Variants in BBS9 observed in about 807,000 individuals in gnomAD.
The protein encoded by BBS9 is Bardet-Biedl syndrome 9.
In BBS9, 89 loss-of-function variants were observed where a neutral mutation model predicts 117.7. The observed-to-expected ratio is 0.76, with a 90% CI of 0.64 to 0.90. BBS9 has a LOEUF of 0.90. Ranked by LOEUF, BBS9 falls within the 40% of genes least tolerant of loss-of-function variation. The pLI is 0.00. For missense variants in BBS9, 982 were observed against 1,042.2 expected (o/e 0.94, Z 0.80); for synonymous variants, 379 against 370.9 (o/e 1.02, Z -0.25).
intron 19 of BBS9, among the ~76,000 whole-genome samples, chr7:33,405,560 C>T (rs371585204): frequency 7.9e-5 from 12 of 152,094 alleles, no homozygotes; most frequent in African/African-American, 2.6e-4. Flanking sequence ...ACTTCTTCCT[C>T]GTTTAGTGTT....
rs1205583813 is a variant in BBS9, at chr7:33,294,342, T to C, written c.1016+20386T>C. On this transcript the variant is annotated intron_variant, in intron 9 of 22. Transcript: ENST00000242067. ...CTATCTATCTATCTATCTATCTATC[T>C]ATCTATCTATCTCTTTGTCCATCCA... Among the ~76,000 whole-genome samples, 229 of 132,242 alleles carry C rather than the reference T, an allele frequency of 1.7e-3. 1 individual carries two copies. The highest frequency in any genetic ancestry group is 6.3e-3 in the African/African-American group (215 of 34,152). The allele number at this position is 132,242 out of a possible 152,430, so 86.8% of individuals were successfully genotyped here.
chr7:33,491,038 A>G (rs990948525), intron 19 of BBS9, among the ~76,000 whole-genome samples: 8 of 152,214 alleles, frequency 5.3e-5, no homozygotes, highest in Middle Eastern at 3.4e-3. Flanking sequence ...TAGAGACCAT[A>G]TGAAGGAACT....
At chr7:33,187,627 G>C (rs1165243323) in intron 5 of BBS9, among the ~76,000 whole-genome samples, 3 of 152,208 alleles carry the variant, frequency 2.0e-5, no homozygotes, top group African/African-American at 7.2e-5. Flanking sequence ...ATAAGGAAAA[G>C]ACAGTTTATG....
chr7:33,366,334 T>C (rs1205642133), intron 16 of BBS9, among the ~76,000 whole-genome samples: 2 of 152,060 alleles, frequency 1.3e-5, no homozygotes, highest in Non-Finnish European at 2.9e-5. Context: ...GGTATGCCGA[T>C]ATAACCAGCC....
chr7:33,542,494 C>T (rs1852489062), intron 21 of BBS9, among the ~76,000 whole-genome samples: 1 of 152,074 alleles, frequency 6.6e-6, no homozygotes, highest in Non-Finnish European at 1.5e-5. Flanking sequence ...CCACTCTTTC[C>T]CTCAAGTCCC....
chr7:33,571,448 GTC>G (rs1857773129), intron 21 of BBS9, among the ~76,000 whole-genome samples: 1 of 152,044 alleles, frequency 6.6e-6, no homozygotes, highest in South Asian at 2.1e-4. Flanking sequence ...ATTAAGGAAA[GTC>G]TCTTTTATTC....
At chr7:33,232,210 T>A (rs1357839095) in intron 5 of BBS9, among the ~76,000 whole-genome samples, 1 of 152,144 alleles carries the variant, frequency 6.6e-6, no homozygotes, top group African/African-American at 2.4e-5. Context: ...GCAATACCAA[T>A]CTTTCTGATT....
At position 33,171,026 on chromosome 7, in the gene BBS9, GC is replaced by G. The variant is rs1328145485; in HGVS notation, c.329-6449del. On this transcript the variant is annotated intron_variant, in intron 4 of 22. Coordinates refer to ENST00000242067, the MANE Select transcript of BBS9 (RefSeq NM_198428.3). ...TCAATATCATGAAAATGGCCATACT[GC>G]CCAAGGTAATTTACAGATTCAATGC... Among the ~76,000 whole-genome samples, 26 of 150,072 alleles carry G rather than the reference GC, an allele frequency of 1.7e-4. No homozygotes were observed. In the East Asian group the frequency reaches 5.1e-3, roughly 29 times the overall value.
chr7:33,176,228 C>G (rs1377664882), intron 4 of BBS9, among the ~76,000 whole-genome samples: 1 of 151,936 alleles, frequency 6.6e-6, no homozygotes, highest in Non-Finnish European at 1.5e-5. Context: ...ATTCTGGTAC[C>G]CTGCAGTGGA....
In BBS9 at chr7:33,593,158, A is replaced by G. The variant is rs116566466; in HGVS notation, c.2522-11707A>G. ...ATCACAAATACCTTCTTTTCAAACTAGAAAACATTGTACTGTATAGTGAAG... is the reference window on the plus strand; with the variant it reads ...ATCACAAATACCTTCTTTTCAAACTGGAAAACATTGTACTGTATAGTGAAG... On this transcript the variant is annotated intron_variant, in intron 21 of 22. Coordinates refer to ENST00000242067, the MANE Select transcript of BBS9 (RefSeq NM_198428.3). 3.7e-3 allele frequency among the ~76,000 whole-genome samples: 557 copies of G among 152,304 alleles called. 1 individual carries two copies. Among genetic ancestry groups the G allele is most frequent in the African/African-American group, 0.013 (530 of 41,588 alleles).
downstream of BBS9, among the ~76,000 whole-genome samples, chr7:33,608,218 C>G (rs759390016): frequency 6.6e-6 from 1 of 152,016 alleles, no homozygotes; most frequent in Non-Finnish European, 1.5e-5. Context: ...CTGAAAAAGA[C>G]ATGATCTTTT....
intron 5 of BBS9, among the ~76,000 whole-genome samples, chr7:33,237,428 G>A (rs1793718466): frequency 6.6e-6 from 1 of 152,200 alleles, no homozygotes; most frequent in Non-Finnish European, 1.5e-5. Flanking sequence ...TGTTTTTGCA[G>A]TGGCTCACTC....
At chr7:33,150,851 G>C (rs561624142) in intron 2 of BBS9, among the ~76,000 whole-genome samples, 1 of 152,338 alleles carries the variant, frequency 6.6e-6, no homozygotes, top group South Asian at 2.1e-4. Context: ...TCTGCATAAA[G>C]AGTAATACAT....
chr7:33,434,244 T>C (rs149322106), intron 19 of BBS9, among the ~76,000 whole-genome samples: 13 of 151,982 alleles, frequency 8.6e-5, no homozygotes, highest in African/African-American at 2.9e-4. Flanking sequence ...CCAAACAACT[T>C]TCTAAAAACA....
intron 21 of BBS9, among the ~76,000 whole-genome samples, chr7:33,628,052 T>G (rs1016388825): frequency 6.6e-6 from 1 of 152,072 alleles, no homozygotes; most frequent in African/African-American, 2.4e-5. Context: ...TTTAAAAACG[T>G]CTCAGATGGC....
At chr7:33,358,491 A>G (rs888175352) in intron 16 of BBS9, among the ~76,000 whole-genome samples, 4 of 151,884 alleles carry the variant, frequency 2.6e-5, no homozygotes, top group African/African-American at 9.7e-5. Flanking sequence ...GAGGGTGTGC[A>G]TCCTGTGCTT....
At chr7:33,618,344 C>CAAA (rs35288587) in intron 21 of BBS9, among the ~76,000 whole-genome samples, 1 of 128,676 alleles carries the variant, frequency 7.8e-6, no homozygotes, top group South Asian at 2.5e-4. Flanking sequence ...AACCTTGTCT[C>CAAA]AAAAAAAAAA....
intron 19 of BBS9, among the ~76,000 whole-genome samples, chr7:33,416,229 A>G (rs75293495): frequency 0.011 from 1,648 of 151,686 alleles, 14 homozygotes; most frequent in Middle Eastern, 0.054. Context: ...AGCCCTGGCC[A>G]TACGGGACCT....
intron 18 of BBS9, among the ~76,000 whole-genome samples, chr7:33,386,657 A>G (rs1258125796): frequency 1.3e-5 from 2 of 151,194 alleles, no homozygotes; most frequent in Non-Finnish European, 2.9e-5. Flanking sequence ...CGCCCAGCTA[A>G]TTTTTTGTAT....
Sources: allele counts gnomAD v4.1 joint callset (sites outside exome capture counted in the v4.1 genomes callset), GRCh38; gene constraint gnomAD v4.1.1; transcripts MANE v1.5; gene names NCBI Gene and HGNC (gene_info 2026-07-23, HGNC 2026-07-21).